Variants in FGF12 observed in about 807,000 individuals in gnomAD.
FGF12 encodes the protein fibroblast growth factor 12B.
Under a neutral mutation model 23.6 loss-of-function variants are expected in FGF12, and 14 were observed. The observed-to-expected ratio is 0.59, with a 90% CI of 0.39 to 0.93. The LOEUF is 0.93. FGF12 is among the 40% of genes least tolerant of loss of function. FGF12 has a pLI of 0.00. For missense variants in FGF12, 175 were observed against 217.8 expected, an observed-to-expected ratio of 0.80 and a Z score of 1.24; for synonymous variants, 62 against 77.3, an observed-to-expected ratio of 0.80 and a Z score of 1.04.
At chr3:192,575,937 G>A (rs1017170283) in intron 2 of FGF12, among the ~76,000 whole-genome samples, 3 of 151,996 alleles carry the variant, frequency 2.0e-5, no homozygotes, top group Non-Finnish European at 4.4e-5. Context: ...AAAGGTACTT[G>A]AAAAAAATAA....
At position 192,415,732 on chromosome 3, in the gene FGF12, TCACACACACA is replaced by T. The variant is rs572589902; in HGVS notation, c.14-55204_14-55195del. Reference sequence around the variant, plus strand: ...CTGATACTTCTCTTCTCTCTCTCTCTCACACACACACACACACACACACACACACACACAC... The same window carrying T: ...CTGATACTTCTCTTCTCTCTCTCTCTCACACACACACACACACACACACAC... On this transcript the variant is annotated intron_variant, in intron 2 of 5. Transcript: ENST00000445105. Among the ~76,000 whole-genome samples, 81 of 118,052 alleles carry T rather than the reference TCACACACACA, an allele frequency of 6.9e-4. No homozygotes were observed. The East Asian group carries it at 8.5e-3, about 12-fold the overall frequency. 77.4% of individuals were successfully genotyped at this position (118,052 alleles called of 152,430 possible).
In FGF12 at chr3:192,711,361, C is replaced by T. The variant is rs190514996; in HGVS notation, c.13+15820G>A. On this transcript the variant is annotated intron_variant, in intron 2 of 5. Transcript: ENST00000445105. ...ATCTCCGCCCAGCCGCCGTCCCGTC[C>T]GGGAGGTGGGGGGCGCCTCTGCCCG... Among the ~76,000 whole-genome samples, 550 of 151,850 alleles carry T rather than the reference C, an allele frequency of 3.6e-3. 7 individuals carry two copies. Among genetic ancestry groups the T allele is most frequent in the African/African-American group, 0.013 (535 of 41,432 alleles).
chr3:192,373,464 A>G (rs1576921753), intron 2 of FGF12, among the ~76,000 whole-genome samples: 1 of 152,278 alleles, frequency 6.6e-6, no homozygotes, highest in East Asian at 1.9e-4. Flanking sequence ...AAAAATGGAG[A>G]AAACATTTTT....
intron 2 of FGF12, among the ~76,000 whole-genome samples, chr3:192,589,342 A>C (rs1487100802): frequency 6.6e-6 from 1 of 151,640 alleles, no homozygotes; most frequent in Admixed American, 6.6e-5. Flanking sequence ...TCAAAAAAAA[A>C]AAAAAGTCCT....
intron 2 of FGF12, among the ~76,000 whole-genome samples, chr3:192,495,413 GT>G (rs1307073251): frequency 4.6e-5 from 7 of 151,660 alleles, no homozygotes; most frequent in Admixed American, 1.3e-4. Context: ...GTATATAATT[GT>G]TTTTATGAAA....
intron 2 of FGF12, among the ~76,000 whole-genome samples, chr3:192,420,911 G>T (rs1217640815): frequency 2.0e-5 from 3 of 152,026 alleles, no homozygotes; most frequent in Non-Finnish European, 4.4e-5. Flanking sequence ...AGAAAAACAA[G>T]AATCACAATT....
chr3:192,722,363 T>C (rs897509989), intron 2 of FGF12, among the ~76,000 whole-genome samples: 1 of 152,220 alleles, frequency 6.6e-6, no homozygotes, highest in African/African-American at 2.4e-5. Flanking sequence ...AGTTCTGATA[T>C]ACTAATGATT....
rs544284003 is a variant in FGF12, at chr3:192,328,419, C to T, written c.228+6942G>A. ...TTGACATAGAGGCTCAGGTGAGCTTCCTGCTTGGCGACACTTCATGTGTAT... is the reference window on the plus strand; with the variant it reads ...TTGACATAGAGGCTCAGGTGAGCTTTCTGCTTGGCGACACTTCATGTGTAT... On this transcript the variant is annotated intron_variant, in intron 4 of 5. Coordinates refer to ENST00000445105, the MANE Select transcript of FGF12 (RefSeq NM_004113.6). 2.0e-5 allele frequency among the ~76,000 whole-genome samples: 3 copies of T among 152,300 alleles called. No individual in the cohort carries two copies. In the South Asian group the frequency reaches 6.2e-4, roughly 32 times the overall value.
intron 4 of FGF12, among the ~76,000 whole-genome samples, chr3:192,249,487 G>T (rs1021087637): frequency 3.9e-5 from 6 of 152,106 alleles, no homozygotes; most frequent in African/African-American, 1.4e-4. Context: ...AGTCAGTAGG[G>T]TCTTGAATGC....
chr3:192,158,633 T>G (rs1270771831), intron 5 of FGF12, among the ~76,000 whole-genome samples: 1 of 12,418 alleles, frequency 8.1e-5, no homozygotes, highest in Non-Finnish European at 1.6e-4. Context: ...TTTCTCTCTG[T>G]TTTTTCCCTC....
chr3:192,617,995 C>T (rs1190006616), intron 2 of FGF12, among the ~76,000 whole-genome samples: 5 of 152,058 alleles, frequency 3.3e-5, no homozygotes, highest in African/African-American at 1.2e-4. Context: ...ATAAATATGA[C>T]TCCATCTGTA....
intron 2 of FGF12, among the ~76,000 whole-genome samples, chr3:192,470,841 G>C (rs1723152311): frequency 6.6e-6 from 1 of 151,934 alleles, no homozygotes; most frequent in South Asian, 2.1e-4. Context: ...CCATCTTCTG[G>C]ACAAATGAAG....
At chr3:192,183,994 G>A (rs1208118442) in intron 4 of FGF12, among the ~76,000 whole-genome samples, 1 of 152,084 alleles carries the variant, frequency 6.6e-6, no homozygotes, top group Admixed American at 6.5e-5. Flanking sequence ...AGGTCGAGGT[G>A]GGCAGATCAC....
At chr3:192,684,145 T>C (rs1432464192) in intron 2 of FGF12, among the ~76,000 whole-genome samples, 3 of 152,172 alleles carry the variant, frequency 2.0e-5, no homozygotes, top group Non-Finnish European at 2.9e-5. Flanking sequence ...TTGATCCCAT[T>C]AACCTGCATG....
At chr3:192,701,081 C>G (rs923852682) in intron 2 of FGF12, among the ~76,000 whole-genome samples, 2 of 152,122 alleles carry the variant, frequency 1.3e-5, no homozygotes, top group African/African-American at 2.4e-5. Flanking sequence ...GCTCAGATGC[C>G]TGGTACCTGG....
Position 192,143,262 on chromosome 3 carries a change from A to G in FGF12, c.*747T>C, listed in dbSNP as rs1713508228. ...AGAAAGAAAGAAGAACTCCGGAAAT[A>G]ATATCTTTGATAAAAATGTTATACT... On this transcript the variant is annotated 3_prime_UTR_variant, in exon 6 of 6. Transcript: ENST00000445105. 6.6e-6 allele frequency: 1 copy of G among 151,760 alleles called. No homozygotes were observed. The allele number at this position is 151,760 out of a possible 1,614,324, so 9.4% of individuals were successfully genotyped here. A position where few individuals can be genotyped will look rare whatever the true frequency, so the allele number is the denominator to read the frequency against.
chr3:192,175,673 C>T (rs1176060273), intron 4 of FGF12, among the ~76,000 whole-genome samples: 1 of 152,118 alleles, frequency 6.6e-6, no homozygotes, highest in East Asian at 1.9e-4. Flanking sequence ...AAATACCTGT[C>T]CACCCTAGCC....
chr3:192,338,327 C>T (rs1717518935), intron 3 of FGF12, among the ~76,000 whole-genome samples: 1 of 152,132 alleles, frequency 6.6e-6, no homozygotes, highest in African/African-American at 2.4e-5. Flanking sequence ...TTGTGATCCA[C>T]CTGTCTCGGC....
At chr3:192,642,801 T>A (rs545771906) in intron 2 of FGF12, among the ~76,000 whole-genome samples, 1 of 152,224 alleles carries the variant, frequency 6.6e-6, no homozygotes, top group African/African-American at 2.4e-5. Context: ...GCCATTTACT[T>A]GTAGCCCAAA....
Sources: gnomAD v4.1 joint callset for allele counts (sites outside exome capture counted in the v4.1 genomes callset) on GRCh38, gnomAD v4.1.1 for gene constraint, MANE v1.5 for transcripts, NCBI Gene and HGNC (gene_info 2026-07-23, HGNC 2026-07-21) for gene names.